PPEF1: variants seen among roughly 807,000 people sequenced by gnomAD.
PPEF1 encodes serine/threonine-protein phosphatase with EF-hands 1.
A neutral mutation model predicts 53.3 loss-of-function variants in PPEF1; 12 were observed. That is an observed-to-expected ratio of 0.23 (90% CI 0.14 to 0.36). The LOEUF is 0.36. Among genes scored for constraint, PPEF1 ranks in the 10% least tolerant of loss-of-function variants. The pLI is 1.00. For missense variants in PPEF1, 334 were observed against 490.4 expected (o/e 0.68, Z 3.01); for synonymous variants, 165 against 176.7 (o/e 0.93, Z 0.52).
At chrX:18,789,427 A>C (rs1288231090) in intron 10 of PPEF1, among the ~76,000 whole-genome samples, 154 bp downstream of exon 10, 2 of 112,440 alleles carry the variant, frequency 1.8e-5, no homozygotes, top group Non-Finnish European at 3.8e-5. Flanking sequence ...CTTTATTGAG[A>C]TATAATTCAC....
At chrX:18,809,004 C>T (rs1434775842) in intron 12 of PPEF1, among the ~76,000 whole-genome samples, 1 of 110,550 alleles carries the variant, frequency 9.0e-6, no homozygotes, top group Non-Finnish European at 1.9e-5. Context: ...TGGTAACAAA[C>T]CAAGTGTCTA....
At chrX:18,684,435 G>A (rs776492851) in intron 1 of PPEF1, among the ~76,000 whole-genome samples, 4 of 110,804 alleles carry the variant, frequency 3.6e-5, no homozygotes, top group Non-Finnish European at 7.5e-5. Context: ...AGGAAAGAAG[G>A]CCTCACATGG....
chrX:18,826,053 C>T (rs188247254), intron 15 of PPEF1, among the ~76,000 whole-genome samples: 3 of 111,901 alleles, frequency 2.7e-5, no homozygotes, highest in African/African-American at 9.7e-5. Flanking sequence ...ACAGACTAGA[C>T]TAAAAGTCAA....
chrX:18,818,060 C>T lies in PPEF1; in HGVS notation c.1416C>T (p.Ser472=), dbSNP rs767149174. The T allele has an allele frequency of 5.0e-6, 6 of 1,198,381 alleles. No individual in the cohort carries two copies. The highest frequency in any genetic ancestry group is 5.6e-6 in the Non-Finnish European group (5 of 888,503). The part of the protein sequence containing the change: ...LRQRVDTMEN[S]AIKILRERVI... The stretch of plus-strand genomic sequence containing the variant: ...GCAGAGTGGATACTATGGAAAACAG[C>T]GCCATCAAGATATTAAGAGAGAGAG... Residue 472 remains serine (S), a synonymous_variant, in exon 13 of 16, where the codon AGC becomes AGT. Coordinates refer to ENST00000470157, the MANE Select transcript of PPEF1 (RefSeq NM_001377996.1).
chrX:18,753,401 C>T, intron 4 of PPEF1, among the ~76,000 whole-genome samples: 1 of 111,442 alleles, frequency 9.0e-6, no homozygotes, highest in Non-Finnish European at 1.9e-5. Flanking sequence ...CTTAGTCAGT[C>T]TTGCTTAAAG....
intron 1 of PPEF1, among the ~76,000 whole-genome samples, chrX:18,684,062 A>G: frequency 8.9e-6 from 1 of 112,273 alleles, no homozygotes; most frequent in East Asian, 2.8e-4. Flanking sequence ...CATTTTGACA[A>G]TGTCTTTAAT....
chrX:18,769,624 T>TC (rs1460185735), intron 6 of PPEF1, among the ~76,000 whole-genome samples: 2 of 111,586 alleles, frequency 1.8e-5, no homozygotes, highest in Non-Finnish European at 3.8e-5. Flanking sequence ...TCCTTTTTTT[T>TC]CTCTCTTCCC....
Position 18,827,288 on chromosome X carries a change from T to C in PPEF1, c.1763T>C (p.Val588Ala). 3.3e-6 allele frequency: 4 copies of C among 1,206,820 alleles called. No homozygotes were observed. The highest frequency in any genetic ancestry group is 4.5e-6 in the Non-Finnish European group (4 of 891,511). The stretch of plus-strand genomic sequence containing the variant: ...TATATTCTTTTAGGCCTGATCTCCG[T>C]GGAAGAATTTCGTGCCATGTGGAAA... The part of the protein sequence containing the change: ...IDTDHSGLIS[V>A]EEFRAMWKLF... The change falls in exon 16 of 16, where the codon GTG (valine) becomes GCG (alanine). Residue 588 changes from valine (V) to alanine (A), a missense_variant. By Grantham distance (64) the Val-to-Ala change is moderately conservative. Coordinates refer to ENST00000470157, the MANE Select transcript of PPEF1 (RefSeq NM_001377996.1).
chrX:18,745,703 C>A (rs1723000025), intron 3 of PPEF1, among the ~76,000 whole-genome samples: 1 of 111,402 alleles, frequency 9.0e-6, no homozygotes, highest in African/African-American at 3.3e-5. Flanking sequence ...AATGGAAAAA[C>A]CATTATTGAT....
At chrX:18,811,853 T>C (rs1044274483) in intron 12 of PPEF1, among the ~76,000 whole-genome samples, 4 of 109,792 alleles carry the variant, frequency 3.6e-5, no homozygotes, top group Non-Finnish European at 7.6e-5. Flanking sequence ...GAGATCCACC[T>C]GCTTCAGCTT....
chrX:18,706,217 G>GAAA (rs761694284), upstream of PPEF1, among the ~76,000 whole-genome samples: 1 of 54,408 alleles, frequency 1.8e-5, no homozygotes, highest in Admixed American at 2.6e-4. Context: ...GACCCTGTCT[G>GAAA]AAAAAAAAAA....
chrX:18,774,033 G>A (rs1447510013), intron 6 of PPEF1, among the ~76,000 whole-genome samples: 3 of 111,689 alleles, frequency 2.7e-5, no homozygotes, highest in Admixed American at 9.5e-5. Context: ...ATGATTCATT[G>A]TTCACATCTG....
chrX:18,785,694 T>C, intron 9 of PPEF1, among the ~76,000 whole-genome samples: 1 of 110,561 alleles, frequency 9.0e-6, no homozygotes, highest in Non-Finnish European at 1.9e-5. Flanking sequence ...ACCAGTCTGG[T>C]CAACATAGCA....
chrX:18,752,054 G>A (rs2045456176), intron 4 of PPEF1, among the ~76,000 whole-genome samples: 1 of 112,022 alleles, frequency 8.9e-6, no homozygotes, highest in African/African-American at 3.2e-5. Context: ...AGCCTATTGG[G>A]ATTTTGATAG....
In PPEF1 at chrX:18,709,115, G is replaced by A. The variant is rs187260328; in HGVS notation, c.46+1289G>A. 2.3e-3 allele frequency among the ~76,000 whole-genome samples: 261 copies of A among 112,230 alleles called. 2 individuals are homozygous for A. The highest frequency in any genetic ancestry group is 8.0e-3 in the African/African-American group (248 of 30,964). ...TGTGATTTATTGAGGTGAAATTCAC[G>A]TAACATAAAATTAGCCATTGTCAAG... On this transcript the variant is annotated intron_variant, in intron 1 of 15. Transcript: ENST00000470157.
intron 5 of PPEF1, chrX:18,699,969 G>A (rs1007112310): frequency 3.6e-5 from 4 of 112,140 alleles, no homozygotes; most frequent in Non-Finnish European, 5.6e-5. Flanking sequence ...ACACAATAGC[G>A]TGGTCCTGCC....
At chrX:18,798,977 C>T (rs1217325355) in intron 10 of PPEF1, among the ~76,000 whole-genome samples, 1 of 111,246 alleles carries the variant, frequency 9.0e-6, no homozygotes, top group Non-Finnish European at 1.9e-5. Flanking sequence ...GCGGCTCACG[C>T]CTGTGATCCC....
At chrX:18,722,988 A>T (rs909271646) in intron 1 of PPEF1, among the ~76,000 whole-genome samples, 51 of 102,063 alleles carry the variant, frequency 5.0e-4, no homozygotes, top group African/African-American at 1.7e-3. Flanking sequence ...TAATTTGTGA[A>T]TTTTTTTTTT....
At chrX:18,810,892 G>A (rs2046791617) in intron 12 of PPEF1, among the ~76,000 whole-genome samples, 2 of 111,999 alleles carry the variant, frequency 1.8e-5, no homozygotes, top group Admixed American at 1.9e-4. Context: ...TAAATACTTG[G>A]TAATGGAATT....
Sources: gnomAD v4.1 joint callset for allele counts (sites outside exome capture counted in the v4.1 genomes callset) on GRCh38, gnomAD v4.1.1 for gene constraint, MANE v1.5 for transcripts, NCBI Gene and HGNC (gene_info 2026-07-23, HGNC 2026-07-21) for gene names.